The following CERS6 variants were observed in gnomAD, a reference collection of about 807,000 sequenced individuals.
CERS6 encodes the protein ceramide synthase 6, also known as LAG1 homolog, ceramide synthase 6.
A neutral mutation model predicts 56.8 loss-of-function variants in CERS6; 26 were observed. That is an observed-to-expected ratio of 0.46 (90% CI 0.34 to 0.63). The LOEUF is 0.63. CERS6 is among the 30% of genes least tolerant of loss of function. CERS6 has a pLI of 0.01. For synonymous variants in CERS6, 164 were observed against 173.3 expected (o/e 0.95, Z 0.42); for missense variants, 415 against 467.5 (o/e 0.89, Z 1.04).
chr2:168,758,205 C>T (rs756140098), intron 8 of CERS6, among the ~76,000 whole-genome samples: 8 of 152,070 alleles, frequency 5.3e-5, no homozygotes, highest in Non-Finnish European at 1.0e-4. Flanking sequence ...GCCAGAGAAA[C>T]GCACATCATG....
intron 3 of CERS6, among the ~76,000 whole-genome samples, chr2:168,581,020 A>AT (rs1400575049): frequency 6.2e-5 from 9 of 144,962 alleles, no homozygotes; most frequent in Admixed American, 6.2e-4. Context: ...ATGGATTGCT[A>AT]TCTTTTTTTT....
chr2:168,484,171 T>TG (rs1694231715), intron 1 of CERS6, among the ~76,000 whole-genome samples: 2 of 68,960 alleles, frequency 2.9e-5, no homozygotes, highest in Non-Finnish European at 5.7e-5. Context: ...TTTTCTGTTT[T>TG]TTTTTTTTTT....
intron 4 of CERS6, among the ~76,000 whole-genome samples, chr2:168,678,192 C>A (rs934074510): frequency 6.6e-6 from 1 of 152,172 alleles, no homozygotes; most frequent in African/African-American, 2.4e-5. Flanking sequence ...CAAAGGCAAA[C>A]GTCTTACTAT....
intron 3 of CERS6, among the ~76,000 whole-genome samples, chr2:168,563,368 A>G (rs1170056915): frequency 6.6e-6 from 1 of 152,262 alleles, no homozygotes; most frequent in Non-Finnish European, 1.5e-5. Context: ...TGGTATGGCA[A>G]TGTGGAGGCA....
intron 8 of CERS6, among the ~76,000 whole-genome samples, chr2:168,743,608 C>A (rs989194336): frequency 6.6e-6 from 1 of 152,098 alleles, no homozygotes; most frequent in African/African-American, 2.4e-5. Context: ...TTTTATATAA[C>A]CTTCTCTAGT....
chr2:168,657,061 G>A (rs548506619), intron 4 of CERS6, among the ~76,000 whole-genome samples: 7 of 150,410 alleles, frequency 4.7e-5, no homozygotes, highest in South Asian at 2.1e-4. Flanking sequence ...ACAGAGTGCC[G>A]ATTGGTGTAT....
chr2:168,485,467 C>A (rs1231002315), intron 1 of CERS6, among the ~76,000 whole-genome samples: 1 of 152,084 alleles, frequency 6.6e-6, no homozygotes, highest in Non-Finnish European at 1.5e-5. Context: ...TTCTACTGCC[C>A]TAAAAACCTT....
At position 168,578,327 on chromosome 2, in the gene CERS6, G is replaced by A. The variant is rs564713109; in HGVS notation, c.407+17005G>A. 1.1e-4 allele frequency among the ~76,000 whole-genome samples: 16 copies of A among 152,176 alleles called. No homozygotes were observed. The East Asian group carries it at 1.5e-3, about 15-fold the overall frequency. On this transcript the variant is annotated intron_variant, in intron 3 of 9. Transcript: ENST00000305747. ...GCATATGACCACCTTGAAGGAAAAC[G>A]TTACCATGTTCATAAAGTACTTTTG...
At chr2:168,718,941 G>C (rs1023300150) in intron 8 of CERS6, among the ~76,000 whole-genome samples, 1 of 152,202 alleles carries the variant, frequency 6.6e-6, no homozygotes, top group Admixed American at 6.5e-5. Context: ...AACCTTTGCT[G>C]ACTCCTGGGT....
intron 1 of CERS6, among the ~76,000 whole-genome samples, chr2:168,466,692 G>T (rs887122431): frequency 3.9e-5 from 6 of 152,126 alleles, no homozygotes; most frequent in Admixed American, 6.6e-5. Context: ...TTTTAAAGAA[G>T]AACTTCCTTT....
intron 4 of CERS6, among the ~76,000 whole-genome samples, chr2:168,641,052 T>C (rs1034186961): frequency 6.6e-6 from 1 of 152,144 alleles, no homozygotes; most frequent in Non-Finnish European, 1.5e-5. Flanking sequence ...CACCCATGGA[T>C]TGCTGTAAAA....
chr2:168,687,305 T>G (rs1004759172), intron 4 of CERS6, among the ~76,000 whole-genome samples: 8 of 152,250 alleles, frequency 5.3e-5, no homozygotes, highest in African/African-American at 1.9e-4. Flanking sequence ...GTGAAATATC[T>G]TAACAAAGTA....
At chr2:168,579,434 C>T (rs755192156) in intron 3 of CERS6, among the ~76,000 whole-genome samples, 3 of 152,088 alleles carry the variant, frequency 2.0e-5, no homozygotes, top group Non-Finnish European at 4.4e-5. Context: ...TTCTCCATGG[C>T]CTCAAGTCCA....
rs551196252 is a variant in CERS6, at chr2:168,543,591, G to A, written c.171-4005G>A. 8.5e-5 allele frequency among the ~76,000 whole-genome samples: 13 copies of A among 152,140 alleles called. No homozygotes were observed. In the East Asian group the frequency reaches 1.4e-3, roughly 16 times the overall value. On this transcript the variant is annotated intron_variant, in intron 1 of 9. Coordinates refer to ENST00000305747, the MANE Select transcript of CERS6 (RefSeq NM_203463.3). ...GCTCTCTGAAAAAAATGTGATTCAC[G>A]CCTTTTTTTGGAGAATAAACACAAA...
chr2:168,513,720 C>T (rs1694836823), intron 1 of CERS6, among the ~76,000 whole-genome samples: 2 of 152,194 alleles, frequency 1.3e-5, no homozygotes, highest in Admixed American at 1.3e-4. Flanking sequence ...ATACTACAGT[C>T]TTTGGGAAGA....
At chr2:168,686,683 G>A (rs751477598) in intron 4 of CERS6, among the ~76,000 whole-genome samples, 6 of 151,888 alleles carry the variant, frequency 4.0e-5, no homozygotes, top group South Asian at 2.1e-4. Flanking sequence ...CTCATTCTTC[G>A]TCACCCAGAG....
chr2:168,594,476 T>C (rs1368583528), intron 3 of CERS6, among the ~76,000 whole-genome samples: 1 of 152,070 alleles, frequency 6.6e-6, no homozygotes, highest in Admixed American at 6.6e-5. Context: ...TCCCAGTTAC[T>C]AGGGAGACTG....
intron 2 of CERS6, among the ~76,000 whole-genome samples, chr2:168,549,495 C>A (rs1328279913): frequency 6.6e-6 from 1 of 151,996 alleles, no homozygotes; most frequent in African/African-American, 2.4e-5. Context: ...ATTAGCCAGG[C>A]GTGGTGGCGG....
chr2:168,477,206 A>C (rs949594839), intron 1 of CERS6, among the ~76,000 whole-genome samples: 2 of 148,022 alleles, frequency 1.4e-5, no homozygotes, highest in African/African-American at 5.2e-5. Context: ...AGAGAGAGAG[A>C]GAGAGAGAGA....
Sources: gnomAD v4.1 joint callset for allele counts (sites outside exome capture counted in the v4.1 genomes callset) on GRCh38, gnomAD v4.1.1 for gene constraint, MANE v1.5 for transcripts, NCBI Gene and HGNC (gene_info 2026-07-23, HGNC 2026-07-21) for gene names.